ELMO1: variants seen among roughly 807,000 people sequenced by gnomAD.
ELMO1 encodes engulfment and cell motility 1, also known as engulfment and cell motility protein 1.
Under a neutral mutation model 98.9 loss-of-function variants are expected in ELMO1, and 26 were observed. That is an observed-to-expected ratio of 0.26 (90% CI 0.19 to 0.36). ELMO1 has a LOEUF of 0.36. ELMO1 is among the 10% of genes least tolerant of loss of function. The pLI, the probability that ELMO1 is intolerant of heterozygous loss-of-function variation, is 1.00. For synonymous variants in ELMO1, 346 were observed against 346.0 expected (o/e 1.00, Z 0.00); for missense variants, 627 against 935.2 (o/e 0.67, Z 4.30).
chr7:36,861,645 C>T lies in ELMO1; in HGVS notation c.1983+14G>A. On this transcript the variant is annotated intron_variant, in intron 21 of 21. Transcript: ENST00000310758. ...TAACATTATCTCATAAATTATCACC[C>T]CCGAGACCCTTACCTCATGCTTGTC... 2 of 1,611,334 alleles carry T rather than the reference C, an allele frequency of 1.2e-6. No individual in the cohort carries two copies. The highest frequency in any genetic ancestry group is 3.3e-5 in the Admixed American group (2 of 59,836).
intron 4 of ELMO1, among the ~76,000 whole-genome samples, chr7:37,308,597 G>C (rs1302174399): frequency 1.3e-5 from 2 of 152,234 alleles, no homozygotes; most frequent in African/African-American, 2.4e-5. Context: ...TTCAGGTAAA[G>C]ATTTATTTTG....
chr7:37,379,157 C>T (rs370467741), intron 1 of ELMO1, among the ~76,000 whole-genome samples: 2 of 151,960 alleles, frequency 1.3e-5, no homozygotes, highest in African/African-American at 4.8e-5. Context: ...CTCTTGCCTC[C>T]GCCTCCCAAG....
intron 15 of ELMO1, among the ~76,000 whole-genome samples, chr7:37,069,838 G>A (rs77036140): frequency 0.016 from 2,384 of 152,216 alleles, 71 homozygotes; most frequent in African/African-American, 0.055. Context: ...CATCTTACCA[G>A]CATAAGTTGA....
At chr7:37,014,427 T>C (rs1324342060) in intron 15 of ELMO1, among the ~76,000 whole-genome samples, 2 of 152,060 alleles carry the variant, frequency 1.3e-5, no homozygotes, top group Non-Finnish European at 2.9e-5. Flanking sequence ...AATCTCTTTT[T>C]TTAAAAAAAA....
intron 2 of ELMO1, among the ~76,000 whole-genome samples, chr7:37,316,485 A>G (rs1360315591): frequency 3.3e-5 from 5 of 152,216 alleles, no homozygotes; most frequent in Admixed American, 1.3e-4. Context: ...ATAAATGCCA[A>G]TCATGCAGCA....
intron 16 of ELMO1, among the ~76,000 whole-genome samples, chr7:37,006,843 G>T (rs1477990210): frequency 6.6e-6 from 1 of 152,138 alleles, no homozygotes; most frequent in Non-Finnish European, 1.5e-5. Flanking sequence ...TGACATTGGG[G>T]TCTATTTGAA....
chr7:37,096,046 T>C (rs554041091), intron 15 of ELMO1, among the ~76,000 whole-genome samples: 1 of 152,360 alleles, frequency 6.6e-6, no homozygotes, highest in South Asian at 2.1e-4. Context: ...TATCATCCTT[T>C]CTTTTTCTGT....
chr7:37,033,349 C>G, intron 15 of ELMO1: 2 of 455,214 alleles, frequency 4.4e-6, no homozygotes, highest in Non-Finnish European at 8.8e-6. Flanking sequence ...CTACTTACCT[C>G]CGAGACACAC....
intron 7 of ELMO1, among the ~76,000 whole-genome samples, chr7:37,236,872 AC>A (rs1211578117): frequency 6.6e-6 from 1 of 152,206 alleles, no homozygotes; most frequent in Non-Finnish European, 1.5e-5. Flanking sequence ...CAGGCTCCAA[AC>A]CGGGAAAGCA....
intron 7 of ELMO1, among the ~76,000 whole-genome samples, chr7:37,240,044 C>CTT (rs397943366): frequency 0.046 from 6,167 of 132,952 alleles, 202 homozygotes; most frequent in African/African-American, 0.07. Flanking sequence ...TTTTTTTTTT[C>CTT]TTTTTTTTTT....
At chr7:37,394,116 T>C (rs1803192705) in intron 1 of ELMO1, among the ~76,000 whole-genome samples, 1 of 152,190 alleles carries the variant, frequency 6.6e-6, no homozygotes, top group African/African-American at 2.4e-5. Flanking sequence ...AGCCTCTCCC[T>C]GTTAGGCCCA....
intron 16 of ELMO1, among the ~76,000 whole-genome samples, chr7:36,931,541 C>A (rs1402313459): frequency 6.6e-6 from 1 of 152,228 alleles, no homozygotes; most frequent in African/African-American, 2.4e-5. Flanking sequence ...GCGGAGGTTG[C>A]AGTGAGCCGA....
chr7:37,386,500 T>G (rs1321467913), intron 1 of ELMO1, among the ~76,000 whole-genome samples: 1 of 151,968 alleles, frequency 6.6e-6, no homozygotes, highest in Non-Finnish European at 1.5e-5. Context: ...TTATTGTCCC[T>G]AAGTGTTAAA....
At chr7:37,289,188 TG>T (rs1388230298) in intron 4 of ELMO1, among the ~76,000 whole-genome samples, 1 of 152,200 alleles carries the variant, frequency 6.6e-6, no homozygotes, top group Non-Finnish European at 1.5e-5. Context: ...TAACAGAGTC[TG>T]GAACAATAGT....
At chr7:37,115,307 G>A (rs148790661) in intron 14 of ELMO1, among the ~76,000 whole-genome samples, 12 of 152,054 alleles carry the variant, frequency 7.9e-5, no homozygotes, top group South Asian at 2.1e-4. Context: ...AAAAAAATGC[G>A]GATCTATATA....
chr7:37,238,708 G>A (rs900841449), intron 7 of ELMO1, among the ~76,000 whole-genome samples: 1 of 152,048 alleles, frequency 6.6e-6, no homozygotes, highest in Non-Finnish European at 1.5e-5. Context: ...ATCAAGATGA[G>A]GAAGTTCCCT....
At chr7:36,989,611 A>C (rs1791739163) in intron 16 of ELMO1, among the ~76,000 whole-genome samples, 1 of 152,240 alleles carries the variant, frequency 6.6e-6, no homozygotes, top group East Asian at 1.9e-4. Context: ...TCAAGCCATT[A>C]CAAAAGACCA....
At chr7:37,399,445 C>T (rs564350320) in intron 1 of ELMO1, among the ~76,000 whole-genome samples, 1 of 152,290 alleles carries the variant, frequency 6.6e-6, no homozygotes, top group South Asian at 2.1e-4. Flanking sequence ...CTGGGCATAG[C>T]CACCTTGCAC....
chr7:37,239,189 GGA>G (rs1794631095), intron 7 of ELMO1, among the ~76,000 whole-genome samples: 1 of 151,248 alleles, frequency 6.6e-6, no homozygotes, highest in South Asian at 2.1e-4. Context: ...TTTCTGAGAT[GGA>G]GTCTCGCTCT....
Sources: gnomAD v4.1 joint callset for allele counts (sites outside exome capture counted in the v4.1 genomes callset) on GRCh38, gnomAD v4.1.1 for gene constraint, MANE v1.5 for transcripts, NCBI Gene and HGNC (gene_info 2026-07-23, HGNC 2026-07-21) for gene names.